Variants in CACNA2D2 observed in about 807,000 individuals in gnomAD.
The protein encoded by CACNA2D2 is voltage-dependent calcium channel subunit alpha-2/delta-2.
In CACNA2D2, 48 loss-of-function variants were observed where a neutral mutation model predicts 166.4. The observed-to-expected ratio is 0.29, with a 90% CI of 0.23 to 0.37. The LOEUF is 0.37. Among genes scored for constraint, CACNA2D2 ranks in the 10% least tolerant of loss-of-function variants. The pLI is 1.00. For synonymous variants in CACNA2D2, 561 were observed against 573.7 expected (o/e 0.98, Z 0.32); for missense variants, 1,122 against 1,433.0 (o/e 0.78, Z 3.50).
At position 50,366,431 on chromosome 3, in the gene CACNA2D2, C is replaced by A; in HGVS notation, c.2638-93G>T. The A allele has an allele frequency of 6.8e-7, 1 of 1,465,706 alleles. No homozygotes were observed. The highest frequency in any genetic ancestry group is 9.6e-7 in the Non-Finnish European group (1 of 1,045,848). 90.8% of individuals were successfully genotyped at this position (1,465,706 alleles called of 1,614,324 possible). A position where few individuals can be genotyped will look rare whatever the true frequency, so the allele number is the denominator to read the frequency against. On this transcript the variant is annotated intron_variant, in intron 30 of 37. Coordinates refer to ENST00000424201, the MANE Select transcript of CACNA2D2 (RefSeq NM_006030.4). The surrounding 1 kb of genome is among the most constrained non-coding windows in gnomAD (Gnocchi z 5.9). ...CCAGTGGTTCAGAGTTGGGGGGCAT[C>A]ACTCCCCCAGTCCTGGGAAGGCTGT... is the stretch of plus-strand genomic sequence containing the variant.
chr3:50,448,178 G>A (rs1207633357), intron 2 of CACNA2D2, among the ~76,000 whole-genome samples: 2 of 152,138 alleles, frequency 1.3e-5, no homozygotes, highest in Non-Finnish European at 2.9e-5. Context: ...CCCTGGACAG[G>A]CCCCTTTACC....
rs587650743 is a variant in CACNA2D2, at chr3:50,385,547, C to T, written c.511-1210G>A. 3.5e-4 allele frequency among the ~76,000 whole-genome samples: 54 copies of T among 152,318 alleles called. No individual in the cohort carries two copies. The South Asian group carries it at 7.9e-3, about 22-fold the overall frequency. On this transcript the variant is annotated intron_variant, in intron 5 of 37. Coordinates refer to ENST00000424201, the MANE Select transcript of CACNA2D2 (RefSeq NM_006030.4). Reference sequence around the variant, plus strand: ...CCGTGCCTCTCCACCCAGCCAGATGCGCTCTCCACACCACAGGGGTACGGC... The same window carrying T: ...CCGTGCCTCTCCACCCAGCCAGATGTGCTCTCCACACCACAGGGGTACGGC...
At position 50,368,127 on chromosome 3, in the gene CACNA2D2, C is replaced by T. The variant is rs764359415; in HGVS notation, c.2143+11G>A. 2 of 1,593,100 alleles carry T rather than the reference C, an allele frequency of 1.3e-6. No homozygotes were observed. Among genetic ancestry groups the T allele is most frequent in the South Asian group, 1.1e-5 (1 of 90,686 alleles). ...CACTGCCCAGAGCCAGCTGCCCTGCCAGGCACTCACACTGCTTGGAGTCTG... is the reference window on the plus strand; with the variant it reads ...CACTGCCCAGAGCCAGCTGCCCTGCTAGGCACTCACACTGCTTGGAGTCTG... On this transcript the variant is annotated intron_variant, in intron 24 of 37. Coordinates refer to ENST00000424201, the MANE Select transcript of CACNA2D2 (RefSeq NM_006030.4).
rs1704313613 is a variant in CACNA2D2, at chr3:50,366,664, G to A, written c.2590-39C>T. The A allele has an allele frequency of 6.2e-7, 1 of 1,612,466 alleles. No homozygotes were observed. The highest frequency in any genetic ancestry group is 8.5e-7 in the Non-Finnish European group (1 of 1,178,828). On this transcript the variant is annotated intron_variant, in intron 29 of 37. Coordinates refer to ENST00000424201, the MANE Select transcript of CACNA2D2 (RefSeq NM_006030.4). This position sits in a 1 kb window ranked among gnomAD's most constrained non-coding sequence, Gnocchi z 5.9. ...AGTGAGGACCGTAAGCCACCCACCA[G>A]TTTTCCTCCCTCCCATCACCTTTCA... is the stretch of plus-strand genomic sequence containing the variant.
At chr3:50,424,985 T>TC (rs1389309396) in intron 3 of CACNA2D2, among the ~76,000 whole-genome samples, 3 of 152,030 alleles carry the variant, frequency 2.0e-5, no homozygotes, top group Non-Finnish European at 4.4e-5. Flanking sequence ...CCAAGGTACC[T>TC]CCCACAGGTA....
intron 5 of CACNA2D2, among the ~76,000 whole-genome samples, chr3:50,384,808 G>C (rs587617597): frequency 2.9e-4 from 44 of 152,356 alleles, no homozygotes; most frequent in African/African-American, 1.0e-3. Context: ...CCTTCATGGA[G>C]TTCCTCTGGG....
At chr3:50,437,301 A>G (rs28580410) in intron 2 of CACNA2D2, among the ~76,000 whole-genome samples, 16,720 of 152,106 alleles carry the variant, frequency 0.11, 2,703 homozygotes, top group African/African-American at 0.36. Context: ...GCCAGTTCCC[A>G]CAGCTATACT....
chr3:50,462,466 G>T (rs1364305674), intron 2 of CACNA2D2, among the ~76,000 whole-genome samples: 2 of 151,264 alleles, frequency 1.3e-5, no homozygotes, highest in Non-Finnish European at 2.9e-5. Context: ...AACTGAGACA[G>T]TTTTTACTGG....
chr3:50,490,046 G>A (rs35448138), intron 1 of CACNA2D2, among the ~76,000 whole-genome samples: 1 of 152,230 alleles, frequency 6.6e-6, no homozygotes, highest in Non-Finnish European at 1.5e-5. Context: ...GGAAGGGATG[G>A]TCAGGAAGCA....
At chr3:50,373,254 A>G (rs1232684196) in intron 22 of CACNA2D2, among the ~76,000 whole-genome samples, 2 of 151,662 alleles carry the variant, frequency 1.3e-5, no homozygotes, top group African/African-American at 4.9e-5. Context: ...ACTTCTTGCA[A>G]AAAACGACAT....
intron 2 of CACNA2D2, 68 bp downstream of exon 2, chr3:50,476,050 T>C: frequency 1.5e-6 from 2 of 1,360,874 alleles, no homozygotes; most frequent in Non-Finnish European, 2.0e-6. Context: ...TCACTCCTTA[T>C]TTCTGAAGCT....
At chr3:50,388,035 G>C (rs1705699389) in intron 4 of CACNA2D2, among the ~76,000 whole-genome samples, 1 of 152,222 alleles carries the variant, frequency 6.6e-6, no homozygotes. Context: ...TAAAAAGCCT[G>C]CTCATTACGG....
In CACNA2D2 at chr3:50,367,217, A is replaced by C; in HGVS notation, c.2402-108T>G. 4 of 1,000,346 alleles carry C rather than the reference A, an allele frequency of 4.0e-6. No individual in the cohort carries two copies. The South Asian group carries it at 5.5e-5, about 14-fold the overall frequency. 62.0% of individuals were successfully genotyped at this position (1,000,346 alleles called of 1,614,324 possible). ...CCAATCCCGGGATGACTCCAGCCCA[A>C]GCACCCAGCACTCAGGACAGTGTTT... On this transcript the variant is annotated intron_variant, in intron 27 of 37. Transcript: ENST00000424201. This position sits in a 1 kb window ranked among gnomAD's most constrained non-coding sequence, Gnocchi z 6.5.
In CACNA2D2 at chr3:50,405,227, G is replaced by T. The variant is rs187582508; in HGVS notation, c.406-11059C>A. Among the ~76,000 whole-genome samples the T allele has an allele frequency of 1.5e-4, 23 of 152,292 alleles. No homozygotes were observed. In the East Asian group the frequency reaches 4.2e-3, roughly 28 times the overall value. ...CTGAAATGTGCCCGATGGGGCACTG[G>T]TTGGGCTGGGGGTGGAGGGTAGTGG... On this transcript the variant is annotated intron_variant, in intron 3 of 37. Transcript: ENST00000424201.
rs748103379 is a variant in CACNA2D2 at position 50,365,305 on chromosome 3, C to T, written c.3098+51G>A. The T allele has an allele frequency of 1.9e-6, 3 of 1,603,848 alleles. No homozygotes were observed. Among genetic ancestry groups the T allele is most frequent in the South Asian group, 2.2e-5 (2 of 90,420 alleles). ...CCTTCCATCCTCCCGAGCGTCTCGCCCCGCTCACAGGTTCCGCCCTTGGCC... is the reference window on the plus strand; with the variant it reads ...CCTTCCATCCTCCCGAGCGTCTCGCTCCGCTCACAGGTTCCGCCCTTGGCC... On this transcript the variant is annotated intron_variant, in intron 35 of 37. Coordinates refer to ENST00000424201, the MANE Select transcript of CACNA2D2 (RefSeq NM_006030.4). The surrounding 1 kb of genome is among the most constrained non-coding windows in gnomAD (Gnocchi z 4.5).
rs1704035582 is a variant in CACNA2D2, at chr3:50,363,443, G to T, written c.*1223C>A. 7.7e-6 allele frequency: 3 copies of T among 391,676 alleles called. No individual in the cohort carries two copies. The highest frequency in any genetic ancestry group is 8.9e-6 in the Non-Finnish European group (2 of 225,180). The allele number at this position is 391,676 out of a possible 1,614,324, so 24.3% of individuals were successfully genotyped here. ...GGGAAATGACCAGAATGAATGGTGT[G>T]AAGAGCTGTGCCCAGTCCCCACCTG... On this transcript the variant is annotated 3_prime_UTR_variant, in exon 38 of 38. Coordinates refer to ENST00000424201, the MANE Select transcript of CACNA2D2 (RefSeq NM_006030.4).
chr3:50,373,027 T>C, intron 22 of CACNA2D2: 26 of 1,392,438 alleles, frequency 1.9e-5, no homozygotes, highest in Non-Finnish European at 2.4e-5. Flanking sequence ...ATGGGAGGGG[T>C]GGGAAGAGGA....
chr3:50,499,130 G>A (rs1191850614), intron 1 of CACNA2D2, among the ~76,000 whole-genome samples: 1 of 152,248 alleles, frequency 6.6e-6, no homozygotes, highest in Non-Finnish European at 1.5e-5. Context: ...CCTCAAGGAG[G>A]TAGAATCTGA....
chr3:50,497,183 G>C (rs1183853706), intron 1 of CACNA2D2, among the ~76,000 whole-genome samples: 2 of 152,172 alleles, frequency 1.3e-5, no homozygotes, highest in Non-Finnish European at 2.9e-5. Context: ...AGCTAAAGCA[G>C]GGCGTGGAGA....
Sources: allele counts gnomAD v4.1 joint callset (sites outside exome capture counted in the v4.1 genomes callset), GRCh38; gene constraint gnomAD v4.1.1; non-coding constraint Gnocchi (gnomAD v3.1); transcripts MANE v1.5; gene names NCBI Gene and HGNC (gene_info 2026-07-23, HGNC 2026-07-21).